The following FANCC variants were observed in gnomAD, a reference collection of about 807,000 sequenced individuals.
FANCC encodes Fanconi anemia group C protein.
Under a neutral mutation model 71.3 loss-of-function variants are expected in FANCC, and 55 were observed. That is an observed-to-expected ratio of 0.77 (90% CI 0.62 to 0.97). The LOEUF (loss-of-function observed/expected upper bound fraction) is 0.97, where lower values mean the gene tolerates loss of function less well. Among genes scored for constraint, FANCC ranks in the 50% least tolerant of loss-of-function variants. The pLI is 0.00. For missense variants in FANCC, 678 were observed against 670.9 expected (o/e 1.01, Z -0.12); for synonymous variants, 275 against 244.9 (o/e 1.12, Z -1.15).
At chr9:95,240,077 G>A (rs1312477162) in intron 4 of FANCC, among the ~76,000 whole-genome samples, 1 of 152,200 alleles carries the variant, frequency 6.6e-6, no homozygotes, top group East Asian at 1.9e-4. Flanking sequence ...AGCAGACAGG[G>A]AAATCTAGAA....
At chr9:95,171,593 T>C (rs923517458) in intron 5 of FANCC, among the ~76,000 whole-genome samples, 5 of 152,334 alleles carry the variant, frequency 3.3e-5, no homozygotes, top group Admixed American at 6.5e-5. Context: ...CATTTGGCTA[T>C]AATTTAAGCC....
intron 11 of FANCC, among the ~76,000 whole-genome samples, chr9:95,116,057 A>C (rs2072378935): frequency 6.6e-6 from 1 of 152,248 alleles, no homozygotes; most frequent in Non-Finnish European, 1.5e-5. Flanking sequence ...GCCCGAAGCC[A>C]CCTATTTATA....
intron 1 of FANCC, among the ~76,000 whole-genome samples, chr9:95,272,561 G>T (rs890372154): frequency 3.9e-5 from 6 of 152,044 alleles, no homozygotes; most frequent in Non-Finnish European, 5.9e-5. Context: ...GTTGGGCGTG[G>T]TGTCATATGT....
intron 12 of FANCC, among the ~76,000 whole-genome samples, chr9:95,113,484 A>AC (rs1309910055): frequency 6.6e-6 from 1 of 152,132 alleles, no homozygotes; most frequent in African/African-American, 2.4e-5. Flanking sequence ...ATAAGAGGGT[A>AC]CCTAACACTA....
rs535712405 is a variant in FANCC, at chr9:95,110,182, A to AAGTT, written c.1329+1277_1329+1280dup. On this transcript the variant is annotated intron_variant, in intron 13 of 14. Coordinates refer to ENST00000289081, the MANE Select transcript of FANCC (RefSeq NM_000136.3). ...TTTTATTTTTTCATAAAAAAGGACC[A>AAGTT]AGTTAGCTAGTAGAAGATGTGCCAA... is the stretch of plus-strand genomic sequence containing the variant. 32 of 915,646 alleles carry AAGTT rather than the reference A, an allele frequency of 3.5e-5. No homozygotes were observed. The East Asian group carries it at 1.5e-3, about 42-fold the overall frequency. The allele number at this position is 915,646 out of a possible 1,614,324, so 56.7% of individuals were successfully genotyped here. A position where few individuals can be genotyped will look rare whatever the true frequency, so the allele number is the denominator to read the frequency against.
intron 6 of FANCC, among the ~76,000 whole-genome samples, chr9:95,164,730 G>A (rs1052611741): frequency 1.3e-5 from 2 of 152,038 alleles, no homozygotes; most frequent in East Asian, 1.9e-4. Flanking sequence ...CATGATTCAC[G>A]AAGGATATTA....
chr9:95,182,340 G>C (rs1826425761), intron 4 of FANCC, among the ~76,000 whole-genome samples: 1 of 152,138 alleles, frequency 6.6e-6, no homozygotes, highest in Admixed American at 6.5e-5. Context: ...CTAACATGGT[G>C]AAACCCCGTC....
At chr9:95,112,037 T>A (rs550423973) in intron 12 of FANCC, among the ~76,000 whole-genome samples, 2 of 152,334 alleles carry the variant, frequency 1.3e-5, no homozygotes, top group Non-Finnish European at 2.9e-5. Context: ...ACATGGGCTA[T>A]TTCCCTTCTG....
At chr9:95,129,824 G>A (rs1358909970) in intron 8 of FANCC, among the ~76,000 whole-genome samples, 1 of 152,106 alleles carries the variant, frequency 6.6e-6, no homozygotes, top group African/African-American at 2.4e-5. Context: ...ACTAGGGAGC[G>A]AAGATGGAGA....
chr9:95,259,285 A>C (rs1831872161), intron 1 of FANCC, among the ~76,000 whole-genome samples: 1 of 152,214 alleles, frequency 6.6e-6, no homozygotes, highest in Non-Finnish European at 1.5e-5. Flanking sequence ...ACCTGACTTC[A>C]AATTATATAC....
intron 1 of FANCC, among the ~76,000 whole-genome samples, chr9:95,272,100 C>T: frequency 6.6e-6 from 1 of 151,380 alleles, no homozygotes; most frequent in East Asian, 2.0e-4. Context: ...CCACGCCTGG[C>T]TAAATTTTTT....
chr9:95,171,116 T>C lies in FANCC; in HGVS notation c.484A>G (p.Arg162Gly). ...NMVLSLASELRENHLNGFNTQ... is the reference protein window; with the variant it reads ...NMVLSLASELGENHLNGFNTQ... ...TTAAATCCATTAAGATGATTCTCTCTGAGTTCAGACGCTAATGATAAAACC... is the reference window on the plus strand; with the variant it reads ...TTAAATCCATTAAGATGATTCTCTCCGAGTTCAGACGCTAATGATAAAACC... The change falls in exon 6 of 15, where the codon AGA (arginine) becomes GGA (glycine). Residue 162 changes from arginine to glycine, a missense_variant. Physicochemically the swap from Arg to Gly is moderately radical, Grantham distance 125 (BLOSUM62 -2). Transcript: ENST00000289081. 6.2e-7 allele frequency: 1 copy of C among 1,613,594 alleles called. No individual in the cohort carries two copies. Among genetic ancestry groups the C allele is most frequent in the Non-Finnish European group, 8.5e-7 (1 of 1,179,656 alleles).
chr9:95,310,533 T>C (rs1835327656), intron 1 of FANCC, among the ~76,000 whole-genome samples: 1 of 152,108 alleles, frequency 6.6e-6, no homozygotes, highest in Non-Finnish European at 1.5e-5. Flanking sequence ...CACCCAAAAA[T>C]AGAGTACATA....
chr9:95,214,889 GAA>G (rs1273463231), intron 4 of FANCC, among the ~76,000 whole-genome samples: 1 of 152,164 alleles, frequency 6.6e-6, no homozygotes, highest in Non-Finnish European at 1.5e-5. Flanking sequence ...TTCACAATAT[GAA>G]AAGAGTTCTG....
chr9:95,305,017 C>T (rs988188377), intron 1 of FANCC, among the ~76,000 whole-genome samples: 1 of 152,110 alleles, frequency 6.6e-6, no homozygotes, highest in Admixed American at 6.5e-5. Flanking sequence ...CAACTGTTTT[C>T]TTTTGATAAA....
intron 7 of FANCC, among the ~76,000 whole-genome samples, chr9:95,141,489 A>G (rs1828683661): frequency 6.6e-6 from 1 of 152,064 alleles, no homozygotes; most frequent in Non-Finnish European, 1.5e-5. Context: ...TGATTTGACA[A>G]CATTTAAATC....
At position 95,150,051 on chromosome 9, in the gene FANCC, A is replaced by C. The variant is rs1588181909; in HGVS notation, c.558T>G (p.Val186=). The C allele has an allele frequency of 6.2e-7, 1 of 1,614,142 alleles. No individual in the cohort carries two copies. The highest frequency in any genetic ancestry group is 8.5e-7 in the Non-Finnish European group (1 of 1,180,020). The change falls in exon 7 of 15, where the codon GTT becomes GTG. Residue 186 remains valine, a synonymous_variant. Coordinates refer to ENST00000289081, the MANE Select transcript of FANCC (RefSeq NM_000136.3). The part of the protein sequence containing the change: ...APERVASLSR[V]CVPLITLTDV... ...CTGTCAGGGTAATAAGTGGGACACA[A>C]ACTCGTGACAGGGACGCCACTCGCT...
intron 1 of FANCC, among the ~76,000 whole-genome samples, chr9:95,298,799 T>C (rs1683126368): frequency 6.6e-6 from 1 of 152,222 alleles, no homozygotes; most frequent in Non-Finnish European, 1.5e-5. Context: ...GTTCTAGTTT[T>C]ATTTAGTAGA....
chr9:95,134,706 A>G (rs1390748793), intron 8 of FANCC, among the ~76,000 whole-genome samples: 1 of 152,234 alleles, frequency 6.6e-6, no homozygotes, highest in Non-Finnish European at 1.5e-5. Flanking sequence ...CCACAAAGGA[A>G]TATGACTGGC....
Sources: gnomAD v4.1 joint callset for allele counts (sites outside exome capture counted in the v4.1 genomes callset) on GRCh38, gnomAD v4.1.1 for gene constraint, MANE v1.5 for transcripts, NCBI Gene and HGNC (gene_info 2026-07-23, HGNC 2026-07-21) for gene names.